The following ANO3 variants were observed in gnomAD, a reference collection of about 807,000 sequenced individuals.
The protein encoded by ANO3 is anoctamin-3.
ANO3 carries 99 observed loss-of-function variants against 144.8 expected under a neutral mutation model. The ratio of observed to expected loss-of-function variants is 0.68; its 90% CI spans 0.58 to 0.81. The LOEUF (loss-of-function observed/expected upper bound fraction) is 0.81. ANO3 is among the 30% of genes least tolerant of loss of function. The pLI is 0.00. For missense variants in ANO3, 905 were observed against 1,202.2 expected (o/e 0.75, Z 3.66); for synonymous variants, 414 against 392.6 (o/e 1.05, Z -0.64).
intron 1 of ANO3, among the ~76,000 whole-genome samples, chr11:26,340,409 C>A (rs959467622): frequency 1.3e-5 from 2 of 152,178 alleles, no homozygotes; most frequent in Admixed American, 6.5e-5. Context: ...TCATTTACTG[C>A]AGCTCATTTT....
chr11:26,302,813 T>C (rs367803855), intron 1 of ANO3, among the ~76,000 whole-genome samples: 109 of 152,272 alleles, frequency 7.2e-4, no homozygotes, highest in African/African-American at 2.5e-3. Flanking sequence ...CAAAAACTAT[T>C]AGCACCAGTA....
intron 20 of ANO3, among the ~76,000 whole-genome samples, chr11:26,638,152 A>G (rs6484230): frequency 0.35 from 52,797 of 152,008 alleles, 9,768 homozygotes; most frequent in South Asian, 0.48. Context: ...AGGAGGTAGA[A>G]TTCAACACCT....
intron 1 of ANO3, among the ~76,000 whole-genome samples, chr11:26,202,881 A>G (rs922131953): frequency 6.6e-6 from 1 of 152,192 alleles, no homozygotes; most frequent in African/African-American, 2.4e-5. Context: ...ACATTCTTCA[A>G]AGCAGGGATC....
chr11:26,651,989 TC>T (rs1242660941), intron 24 of ANO3, among the ~76,000 whole-genome samples: 1 of 152,170 alleles, frequency 6.6e-6, no homozygotes, highest in African/African-American at 2.4e-5. Context: ...CTCTTTTCCA[TC>T]CTTAACCATC....
At chr11:26,549,115 A>C (rs1849864034) in intron 12 of ANO3, among the ~76,000 whole-genome samples, 1 of 152,038 alleles carries the variant, frequency 6.6e-6, no homozygotes, top group Non-Finnish European at 1.5e-5. Flanking sequence ...AACAAAGAGG[A>C]ATGAAGGGAA....
intron 14 of ANO3, among the ~76,000 whole-genome samples, chr11:26,573,067 G>A (rs1357108575): frequency 6.6e-6 from 1 of 152,146 alleles, no homozygotes; most frequent in Non-Finnish European, 1.5e-5. Context: ...CAGCGTTTGG[G>A]GATGGCGCCA....
At chr11:26,564,868 C>T (rs1850503977) in intron 14 of ANO3, among the ~76,000 whole-genome samples, 1 of 147,582 alleles carries the variant, frequency 6.8e-6, no homozygotes, top group African/African-American at 2.5e-5. Context: ...TACCTAGTAT[C>T]TCAAAGCTGT....
At chr11:26,243,844 A>G (rs547659359) in intron 1 of ANO3, among the ~76,000 whole-genome samples, 19 of 152,224 alleles carry the variant, frequency 1.2e-4, no homozygotes, top group African/African-American at 4.3e-4. Context: ...AAATGAGGCC[A>G]GGTGCGGTGT....
At chr11:26,253,809 A>G (rs1319446067) in intron 1 of ANO3, among the ~76,000 whole-genome samples, 6 of 152,158 alleles carry the variant, frequency 3.9e-5, no homozygotes. Flanking sequence ...ACCAAGCTAG[A>G]TGGCAAATCT....
chr11:26,565,858 T>A, intron 14 of ANO3: 4 of 1,600,944 alleles, frequency 2.5e-6, no homozygotes, highest in Non-Finnish European at 3.4e-6. Flanking sequence ...AAGGCCAACA[T>A]TGTAGGCTTC....
chr11:26,398,491 G>T (rs1359812521), intron 1 of ANO3, among the ~76,000 whole-genome samples: 6 of 151,998 alleles, frequency 3.9e-5, no homozygotes, highest in African/African-American at 1.4e-4. Context: ...ATTAATATTT[G>T]TTAAATATGA....
At chr11:26,545,504 A>G (rs1361214423) in intron 11 of ANO3, among the ~76,000 whole-genome samples, 1 of 152,072 alleles carries the variant, frequency 6.6e-6, no homozygotes, top group African/African-American at 2.4e-5. Context: ...ATTCAAAATC[A>G]TCAGCTATAA....
At chr11:26,343,855 A>G (rs1178865857) in intron 1 of ANO3, among the ~76,000 whole-genome samples, 1 of 152,236 alleles carries the variant, frequency 6.6e-6, no homozygotes, top group Non-Finnish European at 1.5e-5. Context: ...ATACTAAAAC[A>G]ATAAGATGTT....
intron 1 of ANO3, among the ~76,000 whole-genome samples, chr11:26,396,195 C>A (rs1364384823): frequency 6.6e-6 from 1 of 152,098 alleles, no homozygotes; most frequent in African/African-American, 2.4e-5. Context: ...AGAAAGCTCA[C>A]AATCACTGGT....
At chr11:26,622,243 C>G (rs1284925059) in intron 17 of ANO3, among the ~76,000 whole-genome samples, 1 of 151,982 alleles carries the variant, frequency 6.6e-6, no homozygotes, top group Non-Finnish European at 1.5e-5. Context: ...TTGTAACCCC[C>G]CTAATGCATC....
intron 1 of ANO3, among the ~76,000 whole-genome samples, chr11:26,375,857 G>GCAACAA (rs1277230692): frequency 6.6e-6 from 1 of 152,080 alleles, no homozygotes; most frequent in Non-Finnish European, 1.5e-5. Flanking sequence ...AGCAGCAGCA[G>GCAACAA]CAACAACAAC....
At chr11:26,360,557 C>A (rs1255770665) in intron 1 of ANO3, among the ~76,000 whole-genome samples, 1 of 152,124 alleles carries the variant, frequency 6.6e-6, no homozygotes, top group Non-Finnish European at 1.5e-5. Flanking sequence ...CCCTTTGTGG[C>A]AGGAGAGGGA....
intron 1 of ANO3, among the ~76,000 whole-genome samples, chr11:26,320,139 G>A (rs1289053847): frequency 6.6e-6 from 1 of 152,150 alleles, no homozygotes; most frequent in Non-Finnish European, 1.5e-5. Context: ...ACCTCCTGCT[G>A]GGCTGGAGTT....
At chr11:26,536,492 T>A (rs1849512744) in intron 9 of ANO3, among the ~76,000 whole-genome samples, 1 of 152,034 alleles carries the variant, frequency 6.6e-6, no homozygotes, top group African/African-American at 2.4e-5. Flanking sequence ...TTAAAATTAT[T>A]CCTAACTGCA....
Sources: gnomAD v4.1 joint callset for allele counts (sites outside exome capture counted in the v4.1 genomes callset) on GRCh38, gnomAD v4.1.1 for gene constraint, MANE v1.5 for transcripts, NCBI Gene and HGNC (gene_info 2026-07-23, HGNC 2026-07-21) for gene names.